The following SOX6 variants were observed in gnomAD, a reference collection of about 807,000 sequenced individuals.
The protein encoded by SOX6 is SRY-box transcription factor 6.
SOX6 carries 11 observed loss-of-function variants against 97.8 expected under a neutral mutation model. The observed-to-expected ratio is 0.11, with a 90% CI of 0.07 to 0.19. SOX6 has a LOEUF of 0.19. Ranked by LOEUF, SOX6 falls within the 10% of genes least tolerant of loss-of-function variation. SOX6 has a pLI of 1.00. For missense variants in SOX6, 810 were observed against 1,039.5 expected, an observed-to-expected ratio of 0.78 and a Z score of 3.04; for synonymous variants, 360 against 371.4, an observed-to-expected ratio of 0.97 and a Z score of 0.35.
intron 7 of SOX6, chr11:16,110,319 C>T (rs2133992907): frequency 6.6e-6 from 1 of 151,500 alleles, no homozygotes; most frequent in East Asian, 1.9e-4. Context: ...ACTTGGCTTA[C>T]TTCAATGTTC....
At chr11:16,460,122 AT>A (rs1488927052) in intron 1 of SOX6, among the ~76,000 whole-genome samples, 2 of 152,090 alleles carry the variant, frequency 1.3e-5, no homozygotes, top group Non-Finnish European at 2.9e-5. Context: ...CAGCAGACTG[AT>A]TTTTGAAAAT....
At chr11:16,004,366 A>G (rs1325133477) in intron 13 of SOX6, among the ~76,000 whole-genome samples, 3 of 152,108 alleles carry the variant, frequency 2.0e-5, no homozygotes, top group African/African-American at 7.2e-5. Flanking sequence ...AATTGTTTCA[A>G]TGGCATCCAA....
intron 6 of SOX6, among the ~76,000 whole-genome samples, chr11:16,166,260 C>T (rs1217071000): frequency 3.3e-5 from 5 of 151,988 alleles, no homozygotes; most frequent in Non-Finnish European, 5.9e-5. Context: ...CAAACATCTC[C>T]GAATTGGATA....
chr11:16,314,866 G>A (rs1855714481), intron 3 of SOX6: 1 of 152,068 alleles, frequency 6.6e-6, no homozygotes, highest in South Asian at 2.1e-4. Context: ...ATAAGATCTT[G>A]TTTTCTTAAT....
intron 4 of SOX6, among the ~76,000 whole-genome samples, chr11:16,558,122 C>T (rs1847769038): frequency 6.6e-6 from 1 of 151,876 alleles, no homozygotes; most frequent in African/African-American, 2.4e-5. Context: ...GTCTCTGAAA[C>T]TAAAGCAGGA....
chr11:16,105,245 A>C (rs1185785234), intron 7 of SOX6, among the ~76,000 whole-genome samples: 1 of 152,070 alleles, frequency 6.6e-6, no homozygotes, highest in Non-Finnish European at 1.5e-5. Context: ...ATCAGTGTCA[A>C]GCATTACATT....
chr11:16,675,525 ATAGG>A (rs1372307103), intron 3 of SOX6, among the ~76,000 whole-genome samples: 1 of 152,246 alleles, frequency 6.6e-6, no homozygotes, highest in East Asian at 1.9e-4. Context: ...CAAACCAAAA[ATAGG>A]TAGTTCTTTG....
At chr11:16,148,952 A>C (rs1360818368) in intron 6 of SOX6, among the ~76,000 whole-genome samples, 1 of 152,162 alleles carries the variant, frequency 6.6e-6, no homozygotes, top group Admixed American at 6.6e-5. Flanking sequence ...ACATAGTTTT[A>C]CCAAATACTA....
At chr11:16,677,042 T>C (rs1220846430) in intron 3 of SOX6, among the ~76,000 whole-genome samples, 1 of 152,206 alleles carries the variant, frequency 6.6e-6, no homozygotes, top group Non-Finnish European at 1.5e-5. Flanking sequence ...GCCCCAACTA[T>C]TATGCCTTTC....
chr11:16,564,496 T>C (rs538148662), intron 4 of SOX6, among the ~76,000 whole-genome samples: 2 of 152,236 alleles, frequency 1.3e-5, no homozygotes, highest in East Asian at 3.9e-4. Flanking sequence ...AATACTCCAT[T>C]CAATGACAGA....
intron 2 of SOX6, among the ~76,000 whole-genome samples, chr11:16,726,466 C>T (rs185146744): frequency 6.6e-6 from 1 of 152,020 alleles, no homozygotes; most frequent in African/African-American, 2.4e-5. Context: ...AACTCTGTGA[C>T]TACATTAAAA....
At chr11:16,727,638 A>T (rs1175069416) in intron 2 of SOX6, among the ~76,000 whole-genome samples, 1 of 151,130 alleles carries the variant, frequency 6.6e-6, no homozygotes, top group Non-Finnish European at 1.5e-5. Flanking sequence ...GGGTTTCACC[A>T]TCTTGGCCAG....
At chr11:15,982,630 T>A (rs1038301157) in intron 15 of SOX6, among the ~76,000 whole-genome samples, 2 of 152,036 alleles carry the variant, frequency 1.3e-5, no homozygotes, top group Non-Finnish European at 2.9e-5. Flanking sequence ...ATAAATGTTA[T>A]GTAAACACTT....
intron 3 of SOX6, among the ~76,000 whole-genome samples, chr11:16,707,284 T>C (rs906451096): frequency 6.6e-6 from 1 of 151,800 alleles, no homozygotes; most frequent in Non-Finnish European, 1.5e-5. Context: ...TAGTACACTA[T>C]GCAAATCATG....
chr11:16,106,032 C>T lies in SOX6; in HGVS notation c.898+5771G>A, dbSNP rs577209537. 8.5e-4 allele frequency among the ~76,000 whole-genome samples: 130 copies of T among 152,134 alleles called. 1 individual carries two copies. The highest frequency in any genetic ancestry group is 4.3e-3 in the Admixed American group (65 of 15,252). On this transcript the variant is annotated intron_variant, in intron 7 of 15. Transcript: ENST00000683767. Reference sequence around the variant, plus strand: ...GACTTGTATGTTGAAAACTATAAAACGTTTTTGAAAGAAATTAAAGATGAC... The same window carrying T: ...GACTTGTATGTTGAAAACTATAAAATGTTTTTGAAAGAAATTAAAGATGAC...
chr11:16,511,889 T>G (rs1335151964), intron 4 of SOX6, among the ~76,000 whole-genome samples: 1 of 152,156 alleles, frequency 6.6e-6, no homozygotes, highest in Admixed American at 6.6e-5. Flanking sequence ...GGAAGGAGAT[T>G]AAGGTTTTGA....
At chr11:16,164,161 G>A (rs1028707042) in intron 6 of SOX6, among the ~76,000 whole-genome samples, 8 of 151,978 alleles carry the variant, frequency 5.3e-5, no homozygotes, top group African/African-American at 1.9e-4. Flanking sequence ...AGAGATGAAG[G>A]TCTCACTATG....
intron 1 of SOX6, among the ~76,000 whole-genome samples, chr11:16,384,236 T>C (rs1428763413): frequency 6.6e-6 from 1 of 151,762 alleles, no homozygotes; most frequent in African/African-American, 2.4e-5. Context: ...GGAATCAGAA[T>C]ATATAGTTAA....
intron 3 of SOX6, among the ~76,000 whole-genome samples, chr11:16,265,466 A>T (rs1045633439): frequency 4.3e-4 from 66 of 151,948 alleles, no homozygotes; most frequent in African/African-American, 1.4e-3. Context: ...TTTCCAAGAA[A>T]CTTAAAGCAT....
Sources: gnomAD v4.1 joint callset for allele counts (sites outside exome capture counted in the v4.1 genomes callset) on GRCh38, gnomAD v4.1.1 for gene constraint, MANE v1.5 for transcripts, NCBI Gene and HGNC (gene_info 2026-07-23, HGNC 2026-07-21) for gene names.